Variants in TSHZ2 observed in about 807,000 individuals in gnomAD.
The protein encoded by TSHZ2 is teashirt homolog 2.
Under a neutral mutation model 74.4 loss-of-function variants are expected in TSHZ2, and 21 were observed. That is an observed-to-expected ratio of 0.28 (90% confidence interval 0.20 to 0.41). The LOEUF is 0.41. TSHZ2 is among the 10% of genes least tolerant of loss of function. The pLI, the probability that TSHZ2 is intolerant of heterozygous loss-of-function variation, is 1.00. For missense variants in TSHZ2, 1,244 were observed against 1,293.5 expected, an observed-to-expected ratio of 0.96 and a Z score of 0.59; for synonymous variants, 540 against 515.3, an observed-to-expected ratio of 1.05 and a Z score of -0.65.
chr20:52,997,001 G>A (rs901496853), intron 1 of TSHZ2, among the ~76,000 whole-genome samples: 3 of 151,820 alleles, frequency 2.0e-5, no homozygotes, highest in African/African-American at 4.8e-5. Flanking sequence ...AATTGAGCTC[G>A]CTCAAGCACG....
intron 1 of TSHZ2, among the ~76,000 whole-genome samples, chr20:53,021,516 T>G (rs1983246159): frequency 6.6e-6 from 1 of 152,214 alleles, no homozygotes; most frequent in Non-Finnish European, 1.5e-5. Context: ...AATGCCTGTG[T>G]CAGCCTATTT....
At chr20:53,242,147 C>T (rs2123696969) in intron 1 of TSHZ2, among the ~76,000 whole-genome samples, 1 of 152,250 alleles carries the variant, frequency 6.6e-6, no homozygotes, top group Admixed American at 6.5e-5. Flanking sequence ...AAGCTATTGA[C>T]ATATTGAGGC....
chr20:53,110,970 G>A (rs1986518203), intron 1 of TSHZ2, among the ~76,000 whole-genome samples: 1 of 152,180 alleles, frequency 6.6e-6, no homozygotes, highest in Non-Finnish European at 1.5e-5. Context: ...TAGAATAGAA[G>A]GGTGGATCTA....
intron 1 of TSHZ2, among the ~76,000 whole-genome samples, chr20:53,205,902 A>G (rs1228768447): frequency 6.6e-6 from 1 of 152,160 alleles, no homozygotes; most frequent in African/African-American, 2.4e-5. Context: ...ACATTCTTTA[A>G]GGCTTAGTTC....
chr20:53,349,832 G>A (rs1285707925), intron 2 of TSHZ2, among the ~76,000 whole-genome samples: 2 of 152,140 alleles, frequency 1.3e-5, no homozygotes, highest in Non-Finnish European at 2.9e-5. Context: ...TGGCTTAAAA[G>A]AAAACAAATT....
chr20:53,285,706 G>A (rs2870250), intron 2 of TSHZ2, among the ~76,000 whole-genome samples: 19,867 of 147,396 alleles, frequency 0.13, 1,331 homozygotes, highest in Middle Eastern at 0.24. Flanking sequence ...GCAAGACTCC[G>A]TCTCCATCTC....
intron 1 of TSHZ2, among the ~76,000 whole-genome samples, chr20:53,091,842 A>C (rs1985893934): frequency 6.6e-6 from 1 of 152,186 alleles, no homozygotes; most frequent in Non-Finnish European, 1.5e-5. Flanking sequence ...CCAGAAGTTC[A>C]AGACTAGCCT....
At position 53,369,672 on chromosome 20, in the gene TSHZ2, C is replaced by T. The variant is rs140801501; in HGVS notation, c.*8+113101C>T. 2.9e-3 allele frequency among the ~76,000 whole-genome samples: 438 copies of T among 152,192 alleles called. 4 individuals carry two copies. The highest frequency in any genetic ancestry group is 0.01 in the African/African-American group (421 of 41,512). On this transcript the variant is annotated intron_variant, in intron 2 of 2. Transcript: ENST00000371497. ...TTTGCAGTGGGCGGAGATGGAACTA[C>T]TGCACCCCAGCCTGGGTGACAGAGC...
At chr20:53,250,699 A>G (rs1342660389) in intron 1 of TSHZ2, among the ~76,000 whole-genome samples, 3 of 152,140 alleles carry the variant, frequency 2.0e-5, no homozygotes, top group Non-Finnish European at 4.4e-5. Flanking sequence ...ATGCCTAATT[A>G]AGCAGAAAAT....
At chr20:53,049,632 G>A (rs1984351904) in intron 1 of TSHZ2, among the ~76,000 whole-genome samples, 1 of 152,036 alleles carries the variant, frequency 6.6e-6, no homozygotes, top group Admixed American at 6.6e-5. Context: ...ATTCAGCTTG[G>A]GATTGTACAC....
At chr20:53,282,109 C>T (rs897760799) in intron 2 of TSHZ2, among the ~76,000 whole-genome samples, 11 of 152,216 alleles carry the variant, frequency 7.2e-5, no homozygotes, top group African/African-American at 2.7e-4. Context: ...AGGTTCTTAT[C>T]TAGCTCTCAC....
At chr20:53,410,164 T>C (rs1355912468) in intron 2 of TSHZ2, among the ~76,000 whole-genome samples, 1 of 152,160 alleles carries the variant, frequency 6.6e-6, no homozygotes, top group Non-Finnish European at 1.5e-5. Flanking sequence ...CCATTTTTAA[T>C]GTTCACTCTG....
intron 2 of TSHZ2, among the ~76,000 whole-genome samples, chr20:53,353,574 C>T (rs2145590824): frequency 6.6e-6 from 1 of 152,098 alleles, no homozygotes; most frequent in East Asian, 1.9e-4. Flanking sequence ...TTTTCATTGG[C>T]CTAGGGTTGT....
rs186793988 is a variant in TSHZ2, at chr20:53,443,682, G to A, written c.*9-43462G>A. ...TGTACATCATTTCCATGAGGGAAGG[G>A]GCTTGGCAGTCACACCCAAGTAGCT... On this transcript the variant is annotated intron_variant, in intron 2 of 2. Coordinates refer to ENST00000371497, the MANE Select transcript of TSHZ2 (RefSeq NM_173485.6). Among the ~76,000 whole-genome samples, 4 of 152,292 alleles carry A rather than the reference G, an allele frequency of 2.6e-5. No homozygotes were observed. The East Asian group carries it at 7.7e-4, about 29-fold the overall frequency.
At chr20:53,426,208 G>T (rs781283923) in intron 2 of TSHZ2, among the ~76,000 whole-genome samples, 7 of 152,124 alleles carry the variant, frequency 4.6e-5, no homozygotes, top group Non-Finnish European at 5.9e-5. Context: ...GGACTTCCTG[G>T]TTAAAAAATA....
At chr20:53,257,334 G>A (rs1442874716) in intron 2 of TSHZ2, among the ~76,000 whole-genome samples, 1 of 152,164 alleles carries the variant, frequency 6.6e-6, no homozygotes, top group Admixed American at 6.5e-5. Context: ...GAGGCAATGT[G>A]TGCCCTTGAG....
At chr20:53,343,155 T>TG (rs755760543) in intron 2 of TSHZ2, among the ~76,000 whole-genome samples, 3 of 151,646 alleles carry the variant, frequency 2.0e-5, no homozygotes, top group Non-Finnish European at 4.4e-5. Flanking sequence ...TTAGTAGAGA[T>TG]GGGGTTTCAC....
At chr20:53,098,615 C>CA (rs988161657) in intron 1 of TSHZ2, among the ~76,000 whole-genome samples, 22 of 152,158 alleles carry the variant, frequency 1.4e-4, no homozygotes, top group African/African-American at 3.4e-4. Context: ...TGAATTATCA[C>CA]AAAAAAATGA....
At chr20:53,351,385 A>G (rs1184291753) in intron 2 of TSHZ2, among the ~76,000 whole-genome samples, 1 of 152,220 alleles carries the variant, frequency 6.6e-6, no homozygotes, top group Non-Finnish European at 1.5e-5. Context: ...CTGCAGTATT[A>G]TAACCCAAAG....
Sources: gnomAD v4.1 joint callset for allele counts (sites outside exome capture counted in the v4.1 genomes callset) on GRCh38, gnomAD v4.1.1 for gene constraint, MANE v1.5 for transcripts, NCBI Gene and HGNC (gene_info 2026-07-23, HGNC 2026-07-21) for gene names.